Variants in TAFA5 observed in about 807,000 individuals in gnomAD.
The protein encoded by TAFA5 is chemokine-like protein TAFA-5.
Under a neutral mutation model 15.3 loss-of-function variants are expected in TAFA5, and 6 were observed. The observed-to-expected ratio is 0.39, with a 90% confidence interval of 0.21 to 0.77. The LOEUF (loss-of-function observed/expected upper bound fraction) is 0.77. Among genes scored for constraint, TAFA5 ranks in the 30% least tolerant of loss-of-function variants. The pLI, the probability that TAFA5 is intolerant of heterozygous loss-of-function variation, is 0.41. For missense variants in TAFA5, 161 were observed against 193.1 expected, an observed-to-expected ratio of 0.83 and a Z score of 0.98; for synonymous variants, 103 against 80.7, an observed-to-expected ratio of 1.28 and a Z score of -1.48.
At chr22:48,687,825 G>C (rs1031200614) in intron 2 of TAFA5, among the ~76,000 whole-genome samples, 3 of 152,132 alleles carry the variant, frequency 2.0e-5, no homozygotes, top group Admixed American at 6.5e-5. Context: ...TCCCTGGGCT[G>C]CCCCAGGCTC....
At chr22:48,660,137 C>G (rs1236262768) in intron 2 of TAFA5, among the ~76,000 whole-genome samples, 3 of 152,000 alleles carry the variant, frequency 2.0e-5, no homozygotes, top group South Asian at 2.1e-4. Context: ...GCTGTCCCCC[C>G]AAAAAAACCC....
intron 1 of TAFA5, among the ~76,000 whole-genome samples, chr22:48,575,091 C>A (rs557135753): frequency 6.6e-6 from 1 of 152,164 alleles, no homozygotes; most frequent in African/African-American, 2.4e-5. Flanking sequence ...CCCTCCCAGC[C>A]GCTGGTCGGG....
chr22:48,501,944 C>T (rs1461274513), intron 1 of TAFA5, among the ~76,000 whole-genome samples: 1 of 152,206 alleles, frequency 6.6e-6, no homozygotes, highest in Non-Finnish European at 1.5e-5. Context: ...CTTCAGGGCA[C>T]CCCATCCATT....
chr22:48,599,834 G>A (rs923975672), intron 1 of TAFA5, among the ~76,000 whole-genome samples: 2 of 152,190 alleles, frequency 1.3e-5, no homozygotes, highest in African/African-American at 4.8e-5. Flanking sequence ...CAGCATCCTG[G>A]GCCTCTACCT....
chr22:48,520,297 G>A (rs183628598), intron 1 of TAFA5, among the ~76,000 whole-genome samples: 221 of 152,328 alleles, frequency 1.5e-3, no homozygotes, highest in Admixed American at 2.4e-3. Flanking sequence ...CCACTAACAC[G>A]CCACCCTCGG....
intron 1 of TAFA5, among the ~76,000 whole-genome samples, chr22:48,507,650 A>T (rs1921047241): frequency 6.6e-6 from 1 of 152,106 alleles, no homozygotes; most frequent in African/African-American, 2.4e-5. Context: ...CAGAGCCAGG[A>T]TGTGCGCTTG....
At chr22:48,579,433 A>G (rs1444758812) in intron 1 of TAFA5, among the ~76,000 whole-genome samples, 1 of 152,142 alleles carries the variant, frequency 6.6e-6, no homozygotes, top group African/African-American at 2.4e-5. Flanking sequence ...TGGTGTGTGC[A>G]CGTGCTGTGT....
At chr22:48,655,830 C>CTTTTTTTTGTTTTTTTTTTTTTT (rs1927218199) in intron 2 of TAFA5, among the ~76,000 whole-genome samples, 1 of 62,410 alleles carries the variant, frequency 1.6e-5, no homozygotes. Context: ...AACACTGATT[C>CTTTTTTTTGTTTTTTTTTTTTTT]TTTTTTTTTT....
intron 1 of TAFA5, among the ~76,000 whole-genome samples, chr22:48,567,042 G>A (rs1260553261): frequency 1.3e-5 from 2 of 152,218 alleles, no homozygotes; most frequent in African/African-American, 2.4e-5. Flanking sequence ...TTGTGGAGGG[G>A]CCTTTCTCCA....
intron 3 of TAFA5, among the ~76,000 whole-genome samples, chr22:48,721,946 C>A (rs130176): frequency 0.16 from 23,784 of 151,686 alleles, 2,649 homozygotes; most frequent in Non-Finnish European, 0.23. Context: ...CACTGCACTC[C>A]AGCCCAGGCG....
chr22:48,744,374 AAGG>A lies in TAFA5; in HGVS notation c.391-5462_391-5460del, dbSNP rs1238448339. Reference sequence around the variant, plus strand: ...CCCTTGGGCAGCTTCACCTCCTGAAAAGGAGATGTTTTTGGAGTCTCGTGAGAT... The same window carrying A: ...CCCTTGGGCAGCTTCACCTCCTGAAAAGATGTTTTTGGAGTCTCGTGAGAT... On this transcript the variant is annotated intron_variant, in intron 3 of 3. Transcript: ENST00000402357. 4.6e-5 allele frequency among the ~76,000 whole-genome samples: 7 copies of A among 152,158 alleles called. No individual in the cohort carries two copies. The South Asian group carries it at 6.2e-4, about 14-fold the overall frequency.
chr22:48,512,386 C>T (rs1921246727), intron 1 of TAFA5, among the ~76,000 whole-genome samples: 2 of 152,130 alleles, frequency 1.3e-5, no homozygotes, highest in Non-Finnish European at 2.9e-5. Flanking sequence ...GTGGGCAGAT[C>T]GCTTGAGGTC....
chr22:48,734,498 C>T (rs771394186), intron 3 of TAFA5, among the ~76,000 whole-genome samples: 20 of 152,236 alleles, frequency 1.3e-4, no homozygotes, highest in Admixed American at 1.0e-3. Flanking sequence ...GGTGTAGACA[C>T]GTGTGTGAAC....
chr22:48,613,463 C>G (rs972410039), intron 1 of TAFA5, among the ~76,000 whole-genome samples: 6 of 152,206 alleles, frequency 3.9e-5, no homozygotes, highest in African/African-American at 1.4e-4. Flanking sequence ...CCATCTCCCC[C>G]ACTCTGTTTG....
chr22:48,541,868 C>A (rs1333735688), intron 1 of TAFA5, among the ~76,000 whole-genome samples: 1 of 152,192 alleles, frequency 6.6e-6, no homozygotes, highest in Non-Finnish European at 1.5e-5. Flanking sequence ...CTGGGGGAAG[C>A]CGGCTCTGGG....
intron 1 of TAFA5, among the ~76,000 whole-genome samples, chr22:48,500,186 TG>T (rs1224554040): frequency 2.6e-5 from 4 of 152,208 alleles, no homozygotes; most frequent in African/African-American, 9.6e-5. Flanking sequence ...GCGGCAGGGT[TG>T]TACAGTTCTG....
At chr22:48,615,476 G>A (rs960730587) in intron 1 of TAFA5, among the ~76,000 whole-genome samples, 1 of 152,204 alleles carries the variant, frequency 6.6e-6, no homozygotes, top group Non-Finnish European at 1.5e-5. Flanking sequence ...TAGCTGTGGG[G>A]GCCATGCTCG....
intron 1 of TAFA5, among the ~76,000 whole-genome samples, chr22:48,536,199 C>T (rs914942416): frequency 6.6e-6 from 1 of 152,262 alleles, no homozygotes; most frequent in Non-Finnish European, 1.5e-5. Flanking sequence ...GACACACACA[C>T]ACGTTTCCAT....
intron 1 of TAFA5, among the ~76,000 whole-genome samples, chr22:48,533,432 GCT>G (rs949592506): frequency 1.5e-4 from 23 of 152,198 alleles, no homozygotes; most frequent in African/African-American, 5.5e-4. Flanking sequence ...CCCTGGTGGG[GCT>G]CTCTCAGCAC....
Sources: gnomAD v4.1 joint callset for allele counts (sites outside exome capture counted in the v4.1 genomes callset) on GRCh38, gnomAD v4.1.1 for gene constraint, MANE v1.5 for transcripts, NCBI Gene and HGNC (gene_info 2026-07-23, HGNC 2026-07-21) for gene names.